Variants in RAB31 observed in about 807,000 individuals in gnomAD.
The protein encoded by RAB31 is ras-related protein Rab-31.
RAB31 carries 21 observed loss-of-function variants against 25.6 expected under a neutral mutation model. The observed-to-expected ratio is 0.82, with a 90% CI of 0.58 to 1.18. The LOEUF (loss-of-function observed/expected upper bound fraction) is 1.18, where lower values mean the gene tolerates loss of function less well. Ranked by LOEUF, RAB31 falls within the 50% of genes most tolerant of loss-of-function variation. The pLI, the probability that RAB31 is intolerant of heterozygous loss-of-function variation, is 0.00. For missense variants in RAB31, 196 were observed against 250.1 expected (o/e 0.78, Z 1.46); for synonymous variants, 87 against 84.0 (o/e 1.04, Z -0.20).
At chr18:9,711,976 G>C (rs969553638) in intron 1 of RAB31, among the ~76,000 whole-genome samples, 1 of 152,190 alleles carries the variant, frequency 6.6e-6, no homozygotes, top group Non-Finnish European at 1.5e-5. Flanking sequence ...GCTCCCTGCT[G>C]GTCACTCTTT....
chr18:9,823,336 C>G (rs1165838755), intron 5 of RAB31, among the ~76,000 whole-genome samples: 1 of 152,104 alleles, frequency 6.6e-6, no homozygotes, highest in Non-Finnish European at 1.5e-5. Flanking sequence ...TTGGTATCTT[C>G]TCTGTGGTGG....
chr18:9,847,782 T>C (rs2068768999), intron 6 of RAB31, among the ~76,000 whole-genome samples: 1 of 152,088 alleles, frequency 6.6e-6, no homozygotes, highest in Non-Finnish European at 1.5e-5. Context: ...CCATGTTGCC[T>C]AGGCTGGTCT....
At chr18:9,724,046 C>T (rs1020262412) in intron 1 of RAB31, among the ~76,000 whole-genome samples, 4 of 151,736 alleles carry the variant, frequency 2.6e-5, no homozygotes, top group Admixed American at 6.6e-5. Context: ...CCGAGGCGGG[C>T]AGATCACAAG....
rs536269361 is a variant in RAB31, at chr18:9,748,667, C to T, written c.40-26611C>T. On this transcript the variant is annotated intron_variant, in intron 1 of 6. Transcript: ENST00000578921. ...CAGCACTTTGGGAAGTCGAGGCGGG[C>T]GGATCACGAGCTCAGGAGTTCGAGA... Among the ~76,000 whole-genome samples the T allele has an allele frequency of 4.5e-3, 678 of 151,850 alleles. 4 individuals are homozygous for T. The highest frequency in any genetic ancestry group is 5.7e-3 in the Non-Finnish European group (389 of 67,900).
At position 9,815,219 on chromosome 18, in the gene RAB31, T is replaced by C; in HGVS notation, c.377T>C (p.Ile126Thr). 6.5e-7 allele frequency: 1 copy of C among 1,530,806 alleles called. No homozygotes were observed. Among genetic ancestry groups the C allele is most frequent in the Non-Finnish European group, 8.9e-7 (1 of 1,126,884 alleles). 94.8% of individuals were successfully genotyped at this position (1,530,806 alleles called of 1,614,324 possible). The part of the protein sequence containing the change: ...IAGNKCDLSD[I>T]REVPLKDAKE... ...GGAAACAAGTGCGACCTCTCAGATA[T>C]TAGGTAAGATGCATTGAAATCTCTT... The change falls in exon 5 of 7, where the codon ATT becomes ACT. Residue 126 changes from isoleucine (I) to threonine (T), a missense_variant. Ile to Thr is a moderately conservative substitution (Grantham distance 89). Coordinates refer to ENST00000578921, the MANE Select transcript of RAB31 (RefSeq NM_006868.4).
intron 1 of RAB31, among the ~76,000 whole-genome samples, chr18:9,722,445 T>C (rs948878019): frequency 1.3e-5 from 2 of 152,188 alleles, no homozygotes; most frequent in East Asian, 3.9e-4. Flanking sequence ...ACATGGTGCA[T>C]GATGCGTACC....
At chr18:9,750,135 T>C (rs891820156) in intron 1 of RAB31, among the ~76,000 whole-genome samples, 20 of 151,164 alleles carry the variant, frequency 1.3e-4, no homozygotes, top group African/African-American at 4.6e-4. Context: ...AGCGAGATGG[T>C]TGTCTACCGG....
rs546856257 is a variant in RAB31 at position 9,828,405 on chromosome 18, T to C, written c.380+13183T>C. On this transcript the variant is annotated intron_variant, in intron 5 of 6. Coordinates refer to ENST00000578921, the MANE Select transcript of RAB31 (RefSeq NM_006868.4). ...TTAAAGAGATCAAACCTATTGGCCA[T>C]CCTCCAAGGAGGCTGTGGGAGCCGT... 1.4e-4 allele frequency among the ~76,000 whole-genome samples: 22 copies of C among 152,230 alleles called. No individual in the cohort carries two copies. In the South Asian group the frequency reaches 4.4e-3, roughly 30 times the overall value.
chr18:9,738,392 T>C (rs1023869), intron 1 of RAB31, among the ~76,000 whole-genome samples: 142,816 of 152,202 alleles, frequency 0.94, 67,096 homozygotes, highest in African/African-American at 0.97. Context: ...CCACCACCAA[T>C]CTCCAGGGAA....
At chr18:9,710,591 A>C (rs1347174077) in intron 1 of RAB31, among the ~76,000 whole-genome samples, 1 of 152,076 alleles carries the variant, frequency 6.6e-6, no homozygotes, top group Non-Finnish European at 1.5e-5. Flanking sequence ...GTTGGCTCAC[A>C]CCTGTCATCC....
chr18:9,827,777 G>A (rs1450858309), intron 5 of RAB31, among the ~76,000 whole-genome samples: 4 of 152,188 alleles, frequency 2.6e-5, no homozygotes, highest in Admixed American at 6.5e-5. Context: ...TAGCAAATAC[G>A]TTTTGACGGT....
Position 9,745,403 on chromosome 18 carries a change from C to T in RAB31, c.40-29875C>T, listed in dbSNP as rs539225305. 2.8e-4 allele frequency among the ~76,000 whole-genome samples: 42 copies of T among 152,274 alleles called. No homozygotes were observed. The East Asian group carries it at 7.3e-3, about 27-fold the overall frequency. On this transcript the variant is annotated intron_variant, in intron 1 of 6. Transcript: ENST00000578921. Reference sequence around the variant, plus strand: ...TAACATCAGTTGCTCTTAATCTCTTCCAAATATAGAAGAGGAGGGAATACA... The same window carrying T: ...TAACATCAGTTGCTCTTAATCTCTTTCAAATATAGAAGAGGAGGGAATACA...
chr18:9,805,276 A>G, intron 3 of RAB31, among the ~76,000 whole-genome samples: 1 of 38,448 alleles, frequency 2.6e-5, no homozygotes, highest in African/African-American at 5.4e-5. Flanking sequence ...CAAAAACATA[A>G]AAAGATTAAA....
At chr18:9,734,860 T>C in intron 1 of RAB31, 1 of 231,968 alleles carries the variant, frequency 4.3e-6, no homozygotes, top group Non-Finnish European at 9.2e-6. Context: ...CCCCCAGCAT[T>C]CTTAATCTTC....
At chr18:9,812,674 C>G (rs986573109) in intron 3 of RAB31, among the ~76,000 whole-genome samples, 2 of 146,412 alleles carry the variant, frequency 1.4e-5, no homozygotes, top group Non-Finnish European at 3.0e-5. Flanking sequence ...ACTTTCAAAA[C>G]CCCTCCAGGA....
chr18:9,803,152 T>A (rs751048419), intron 3 of RAB31, among the ~76,000 whole-genome samples: 1 of 152,136 alleles, frequency 6.6e-6, no homozygotes, highest in Non-Finnish European at 1.5e-5. Flanking sequence ...TTCCTCCTCA[T>A]GGGAGAGGAT....
chr18:9,840,961 T>C (rs909396319), intron 5 of RAB31, among the ~76,000 whole-genome samples: 2 of 152,108 alleles, frequency 1.3e-5, no homozygotes, highest in Non-Finnish European at 2.9e-5. Flanking sequence ...AGTATCTCAC[T>C]CTGTTACCCA....
intron 1 of RAB31, among the ~76,000 whole-genome samples, chr18:9,741,151 G>A (rs994688330): frequency 6.6e-5 from 10 of 151,858 alleles, no homozygotes; most frequent in Admixed American, 6.6e-5. Flanking sequence ...CGAGGTGGGC[G>A]GATCACTTGA....
At chr18:9,829,077 A>G (rs760797423) in intron 5 of RAB31, among the ~76,000 whole-genome samples, 5 of 152,216 alleles carry the variant, frequency 3.3e-5, no homozygotes, top group Non-Finnish European at 7.3e-5. Flanking sequence ...AATTTAAAAC[A>G]TTCTTAAAGA....
Sources: gnomAD v4.1 joint callset for allele counts (sites outside exome capture counted in the v4.1 genomes callset) on GRCh38, gnomAD v4.1.1 for gene constraint, MANE v1.5 for transcripts, NCBI Gene and HGNC (gene_info 2026-07-23, HGNC 2026-07-21) for gene names.